WNK3: variants seen among roughly 807,000 people sequenced by gnomAD.
WNK3 encodes WNK lysine deficient protein kinase 3.
WNK3 carries 18 observed loss-of-function variants against 116.7 expected under a neutral mutation model. The observed-to-expected ratio is 0.15, with a 90% CI of 0.11 to 0.23. WNK3 has a LOEUF of 0.23. Among genes scored for constraint, WNK3 ranks in the 10% least tolerant of loss-of-function variants. The probability of loss-of-function intolerance (pLI) is 1.00; values close to 1 mark genes in which losing one functional copy is unlikely to be tolerated. For synonymous variants in WNK3, 404 were observed against 469.4 expected, an observed-to-expected ratio of 0.86 and a Z score of 1.80; for missense variants, 993 against 1,323.8, an observed-to-expected ratio of 0.75 and a Z score of 3.88.
intron 2 of WNK3, among the ~76,000 whole-genome samples, chrX:54,316,523 G>A (rs782403585): frequency 1.1e-5 from 1 of 95,009 alleles, no homozygotes; most frequent in African/African-American, 4.0e-5. Context: ...CTGGGCAATA[G>A]AGCGAGACTC....
At chrX:54,305,201 C>T (rs782162089) in intron 5 of WNK3, among the ~76,000 whole-genome samples, 6 of 110,737 alleles carry the variant, frequency 5.4e-5, no homozygotes, top group Non-Finnish European at 1.1e-4. Flanking sequence ...GCAATAAATA[C>T]TGAAAACATC....
intron 1 of WNK3, among the ~76,000 whole-genome samples, chrX:54,346,441 C>T (rs182960664): frequency 1.9e-5 from 2 of 107,673 alleles, no homozygotes; most frequent in Non-Finnish European, 3.8e-5. Context: ...CCTGTCTCTA[C>T]AAAAAATAAA....
chrX:54,357,094 C>T (rs1354373334), intron 1 of WNK3, among the ~76,000 whole-genome samples: 11 of 110,797 alleles, frequency 9.9e-5, no homozygotes. Flanking sequence ...ATATTTCTCA[C>T]CCCATCCTGT....
At chrX:54,321,043 T>C (rs921996377) in intron 2 of WNK3, among the ~76,000 whole-genome samples, 1 of 109,773 alleles carries the variant, frequency 9.1e-6, no homozygotes, top group Admixed American at 9.9e-5. Context: ...ATTACAGGCA[T>C]GCGCCACCAT....
chrX:54,267,233 G>T lies in WNK3; in HGVS notation c.2038-7895C>A, dbSNP rs147727413. On this transcript the variant is annotated intron_variant, in intron 10 of 23. Transcript: ENST00000354646. ...TAGGAAACTATGAAGCCATAAAAAA[G>T]AATTTTTTCTTTTTGGTAGAGACAG... Among the ~76,000 whole-genome samples, 1,104 of 110,555 alleles carry T rather than the reference G, an allele frequency of 1.0e-2. 15 individuals are homozygous for T. The highest frequency in any genetic ancestry group is 0.034 in the African/African-American group (1,050 of 30,483).
Position 54,251,638 on chromosome X carries a change from T to A in WNK3, c.2417A>T (p.Glu806Val), listed in dbSNP as rs369362535. The A allele has an allele frequency of 2.9e-4, 347 of 1,209,348 alleles. 2 individuals carry two copies. In the South Asian group the frequency reaches 5.0e-3, roughly 18 times the overall value. ...GGCTTGACCTACAATAGCTCTCAATTCTTCTACAAATTTTTCTTTCTCACT... is the reference window on the plus strand; with the variant it reads ...GGCTTGACCTACAATAGCTCTCAATACTTCTACAAATTTTTCTTTCTCACT... The change falls in exon 14 of 24, where the codon GAA becomes GTA. Residue 806 changes from glutamate to valine, a missense_variant. By Grantham distance (121) the Glu-to-Val change is moderately radical. This residue lies in a region of WNK3 where 836 missense variants were observed against 976.5 expected (regional missense o/e 0.86). Coordinates refer to ENST00000354646, the Ensembl canonical transcript of WNK3.
At chrX:54,304,355 C>T (rs1157314504) in intron 5 of WNK3, among the ~76,000 whole-genome samples, 2 of 108,777 alleles carry the variant, frequency 1.8e-5, no homozygotes, top group African/African-American at 6.7e-5. Context: ...CATGGTGAAA[C>T]CCCATCTCTA....
chrX:54,335,253 AAAC>A (rs781831486), intron 1 of WNK3, among the ~76,000 whole-genome samples: 4 of 111,365 alleles, frequency 3.6e-5, no homozygotes, highest in East Asian at 2.8e-4. Context: ...TCAAAAAACA[AAAC>A]AACAACAACA....
Position 54,249,620 on chromosome X carries a change from T to C in WNK3, c.2728A>G (p.Ser910Gly). Residue 910 changes from serine to glycine, a missense_variant, in exon 17 of 24, where the codon AGT (serine) becomes GGT (glycine). Ser to Gly is a moderately conservative substitution (Grantham distance 56). Around this residue, in one of 4 missense-constraint regions of WNK3, gnomAD observed 836 missense variants for 976.5 expected, o/e 0.86. Coordinates refer to ENST00000354646, the Ensembl canonical transcript of WNK3. ...GTGTCCCGTGATATTTCCTTATTACTTGTGTTTTTTGGACCTGGAACAATA... is the reference window on the plus strand; with the variant it reads ...GTGTCCCGTGATATTTCCTTATTACCTGTGTTTTTTGGACCTGGAACAATA... 3 of 1,206,560 alleles carry C rather than the reference T, an allele frequency of 2.5e-6. No homozygotes were observed. Among genetic ancestry groups the C allele is most frequent in the Non-Finnish European group, 3.4e-6 (3 of 893,004 alleles).
intron 22 of WNK3, among the ~76,000 whole-genome samples, chrX:54,219,209 AAAAG>A (rs1411140412): frequency 1.8e-5 from 2 of 111,509 alleles, no homozygotes; most frequent in African/African-American, 6.5e-5. Flanking sequence ...ATCAAAGACA[AAAAG>A]AAAATCTTTA....
chrX:54,226,297 C>T (rs1338804529), intron 22 of WNK3, among the ~76,000 whole-genome samples: 1 of 106,006 alleles, frequency 9.4e-6, no homozygotes, highest in Admixed American at 1.0e-4. Flanking sequence ...TGGCGAAACC[C>T]TGTCTCTACT....
intron 21 of WNK3, among the ~76,000 whole-genome samples, chrX:54,232,054 G>A (rs1207512520): frequency 1.9e-5 from 2 of 106,661 alleles, no homozygotes; most frequent in African/African-American, 6.8e-5. Flanking sequence ...TTTATGAGAC[G>A]GAGTTTCATT....
At chrX:54,235,082 T>TA (rs2067947653) in intron 20 of WNK3, among the ~76,000 whole-genome samples, 1 of 111,917 alleles carries the variant, frequency 8.9e-6, no homozygotes, top group Non-Finnish European at 1.9e-5. Flanking sequence ...AAGCTCAAGT[T>TA]AAAAACACTG....
chrX:54,254,069 T>G, exon 13 of WNK3: 1 of 1,178,603 alleles, frequency 8.5e-7, no homozygotes, highest in Non-Finnish European at 1.2e-6. Context: ...TCTCCAGAGG[T>G]TGATACCTGA....
intron 1 of WNK3, among the ~76,000 whole-genome samples, chrX:54,353,156 A>G (rs1199002696): frequency 8.9e-6 from 1 of 111,934 alleles, no homozygotes; most frequent in Non-Finnish European, 1.9e-5. Context: ...ACAACTGTAC[A>G]CTTTAAAATG....
At chrX:54,207,832 G>A (rs1439183474) in intron 22 of WNK3, among the ~76,000 whole-genome samples, 1 of 110,601 alleles carries the variant, frequency 9.0e-6, no homozygotes, top group Admixed American at 9.8e-5. Flanking sequence ...TTTATCCTTT[G>A]AGACCAACTC....
At chrX:54,207,032 A>G (rs2067560751) in intron 22 of WNK3, among the ~76,000 whole-genome samples, 1 of 110,147 alleles carries the variant, frequency 9.1e-6, no homozygotes, top group Non-Finnish European at 1.9e-5. Flanking sequence ...GTGTCTCAGA[A>G]AGAATAAATA....
In WNK3 at chrX:54,214,298, T is replaced by TA. The variant is rs782508691; in HGVS notation, c.4871-12106dup. ...AAGCCTGGCCAAAAGTTTGAAAAGT[T>TA]AAAAACCTCCCAAAAAAGAAATCTC... is the stretch of plus-strand genomic sequence containing the variant. On this transcript the variant is annotated intron_variant, in intron 22 of 23. Coordinates refer to ENST00000354646, the Ensembl canonical transcript of WNK3. Among the ~76,000 whole-genome samples, 542 of 111,438 alleles carry TA rather than the reference T, an allele frequency of 4.9e-3. 2 individuals carry two copies. The highest frequency in any genetic ancestry group is 0.017 in the African/African-American group (509 of 30,691).
chrX:54,254,808 G>A (rs1557155130), intron 12 of WNK3, among the ~76,000 whole-genome samples: 1 of 111,535 alleles, frequency 9.0e-6, no homozygotes, highest in Non-Finnish European at 1.9e-5. Context: ...AGGCATACAT[G>A]ATATATTAGG....
Sources: gnomAD v4.1 joint callset for allele counts (sites outside exome capture counted in the v4.1 genomes callset) on GRCh38, gnomAD v4.1.1 for gene constraint, gnomAD v4.1.1 regional missense constraint, MANE v1.5 for transcripts, NCBI Gene and HGNC (gene_info 2026-07-23, HGNC 2026-07-21) for gene names.